COL25A1: variants seen among roughly 807,000 people sequenced by gnomAD.
COL25A1 encodes collagen alpha-1(XXV) chain.
In COL25A1, 103 loss-of-function variants were observed where a neutral mutation model predicts 128.4. That is an observed-to-expected ratio of 0.80 (90% CI 0.68 to 0.94). The LOEUF (loss-of-function observed/expected upper bound fraction) is 0.94. Ranked by LOEUF, COL25A1 falls within the 40% of genes least tolerant of loss-of-function variation. COL25A1 has a pLI of 0.00. For synonymous variants in COL25A1, 279 were observed against 277.2 expected, an observed-to-expected ratio of 1.01 and a Z score of -0.06; for missense variants, 745 against 840.0, an observed-to-expected ratio of 0.89 and a Z score of 1.40.
At chr4:108,951,641 C>A (rs1749448811) in intron 8 of COL25A1, among the ~76,000 whole-genome samples, 1 of 152,182 alleles carries the variant, frequency 6.6e-6, no homozygotes, top group Non-Finnish European at 1.5e-5. Context: ...ACACCTTGGC[C>A]TCCTAAAGCG....
chr4:108,852,621 C>T (rs1269925159), intron 25 of COL25A1, among the ~76,000 whole-genome samples: 3 of 152,206 alleles, frequency 2.0e-5, no homozygotes, highest in Middle Eastern at 3.4e-3. Flanking sequence ...CCTTACCCCT[C>T]CACCCCAAAG....
chr4:108,810,325 A>G lies in COL25A1; in HGVS notation c.*3602T>C, dbSNP rs990705335. 1 of 151,994 alleles carries G rather than the reference A, an allele frequency of 6.6e-6. No individual in the cohort carries two copies. Among genetic ancestry groups the G allele is most frequent in the African/African-American group, 2.4e-5 (1 of 41,450 alleles). The allele number at this position is 151,994 out of a possible 1,614,324, so 9.4% of individuals were successfully genotyped here. On this transcript the variant is annotated 3_prime_UTR_variant, in exon 38 of 38. Coordinates refer to ENST00000399132, the MANE Select transcript of COL25A1 (RefSeq NM_198721.4). The stretch of plus-strand genomic sequence containing the variant: ...AACTAGCACATATGTCTATATAGAT[A>G]GATAGTTAGACAAAGGACATGTAGT...
At chr4:109,037,282 T>C (rs1579163969) in intron 5 of COL25A1, among the ~76,000 whole-genome samples, 1 of 152,232 alleles carries the variant, frequency 6.6e-6, no homozygotes, top group Admixed American at 6.5e-5. Flanking sequence ...CATTTATTAA[T>C]GGAAGTGGTG....
chr4:109,149,930 T>C (rs1771307131), intron 3 of COL25A1, among the ~76,000 whole-genome samples: 1 of 151,784 alleles, frequency 6.6e-6, no homozygotes, highest in Admixed American at 6.6e-5. Flanking sequence ...GGAAATAATT[T>C]TATGTGTATG....
chr4:109,064,031 A>C (rs1020671784), intron 3 of COL25A1, among the ~76,000 whole-genome samples: 25 of 152,194 alleles, frequency 1.6e-4, no homozygotes, highest in Non-Finnish European at 2.8e-4. Context: ...TGACAAACAG[A>C]GTCAAAGTTG....
chr4:108,960,438 G>A (rs1378176229), intron 8 of COL25A1, among the ~76,000 whole-genome samples: 1 of 151,986 alleles, frequency 6.6e-6, no homozygotes, highest in Non-Finnish European at 1.5e-5. Flanking sequence ...GTAATTTTTG[G>A]TGTTCAAAAC....
In COL25A1 at chr4:108,913,261, C is replaced by CTT. The variant is rs201929872; in HGVS notation, c.780+4909_780+4910dup. Among the ~76,000 whole-genome samples the CTT allele has an allele frequency of 2.1e-3, 190 of 92,408 alleles. 4 individuals are homozygous for CTT. Among genetic ancestry groups the CTT allele is most frequent in the East Asian group, 8.7e-3 (13 of 1,502 alleles). 60.6% of individuals were successfully genotyped at this position (92,408 alleles called of 152,430 possible). A position where few individuals can be genotyped will look rare whatever the true frequency, so the allele number is the denominator to read the frequency against. On this transcript the variant is annotated intron_variant, in intron 13 of 37. Transcript: ENST00000399132. Reference sequence around the variant, plus strand: ...TTTGTGTGGTCTCTGTCTCTAGCTCCTTTTTTTTTTTTTTTTTTTTTTAAG... The same window carrying CTT: ...TTTGTGTGGTCTCTGTCTCTAGCTCCTTTTTTTTTTTTTTTTTTTTTTTTAAG...
intron 14 of COL25A1, among the ~76,000 whole-genome samples, chr4:108,900,262 G>C (rs1290316951): frequency 6.6e-6 from 1 of 152,156 alleles, no homozygotes; most frequent in Admixed American, 6.6e-5. Context: ...GAGAAAGAGA[G>C]AGAAGAAGAC....
At chr4:108,844,646 G>A (rs913985179) in intron 29 of COL25A1, 77 bp from the exon 30 acceptor site, 1 of 1,552,072 alleles carries the variant, frequency 6.4e-7, no homozygotes, top group Non-Finnish European at 8.7e-7. Context: ...TTGTGCTGGG[G>A]TTCTGCTAAG....
At chr4:108,914,334 C>T (rs1368430797) in intron 13 of COL25A1, among the ~76,000 whole-genome samples, 1 of 152,168 alleles carries the variant, frequency 6.6e-6, no homozygotes, top group Non-Finnish European at 1.5e-5. Context: ...AGGGATCCTT[C>T]AAAGGCTACA....
chr4:108,945,982 A>G (rs1201263670), intron 8 of COL25A1, among the ~76,000 whole-genome samples: 1 of 152,126 alleles, frequency 6.6e-6, no homozygotes, highest in African/African-American at 2.4e-5. Context: ...ATTTGTACAT[A>G]TTTTCACACC....
intron 3 of COL25A1, among the ~76,000 whole-genome samples, chr4:109,252,711 G>A (rs1313314792): frequency 2.6e-5 from 4 of 152,056 alleles, no homozygotes; most frequent in African/African-American, 7.2e-5. Flanking sequence ...GTACATAATC[G>A]CATGTCTGGT....
rs1387224637 is a variant in COL25A1 at position 108,884,158 on chromosome 4, A to G, written c.1020+20T>C. The stretch of plus-strand genomic sequence containing the variant: ...ATAATTACAGTTCTGTGAAGCCGAG[A>G]CTGTCCGTGCAGTATTTACCTTTAT... On this transcript the variant is annotated intron_variant, in intron 19 of 37. Transcript: ENST00000399132. 1.2e-6 allele frequency: 2 copies of G among 1,612,698 alleles called. No individual in the cohort carries two copies. The highest frequency in any genetic ancestry group is 1.7e-6 in the Non-Finnish European group (2 of 1,179,134).
chr4:109,144,324 G>T (rs1343679305), intron 3 of COL25A1, among the ~76,000 whole-genome samples: 4 of 152,202 alleles, frequency 2.6e-5, no homozygotes, highest in Non-Finnish European at 4.4e-5. Context: ...TGTATGATTT[G>T]TCTGTTGACC....
chr4:108,817,016 G>C (rs1439130182), intron 37 of COL25A1, among the ~76,000 whole-genome samples: 1 of 152,094 alleles, frequency 6.6e-6, no homozygotes, highest in Non-Finnish European at 1.5e-5. Context: ...GACTAATATT[G>C]ACAGGGTTCT....
intron 30 of COL25A1, among the ~76,000 whole-genome samples, chr4:108,843,885 A>G (rs981271339): frequency 1.9e-5 from 2 of 106,198 alleles, no homozygotes; most frequent in African/African-American, 6.5e-5. Flanking sequence ...AATGGCTATT[A>G]TTACTATTAT....
intron 6 of COL25A1, among the ~76,000 whole-genome samples, chr4:109,000,170 A>G (rs1282948656): frequency 1.3e-5 from 2 of 152,176 alleles, no homozygotes; most frequent in Non-Finnish European, 2.9e-5. Flanking sequence ...GTTCATGAAT[A>G]ATTATAATAC....
chr4:108,886,488 G>GGTTTTTTTTTTT (rs1553960509), intron 18 of COL25A1, among the ~76,000 whole-genome samples: 1 of 49,426 alleles, frequency 2.0e-5, no homozygotes, highest in African/African-American at 6.5e-5. Context: ...GTGTGTGTGT[G>GGTTTTTTTTTTT]TGTGTTTAGC....
In COL25A1 at chr4:108,981,536, TAAAAAAGTTAA is replaced by T. The variant is rs1261335399; in HGVS notation, c.439-6988_439-6978del. On this transcript the variant is annotated intron_variant, in intron 6 of 37. Transcript: ENST00000399132. The stretch of plus-strand genomic sequence containing the variant: ...TTTAATATCTTTTTAAATGCTTCAG[TAAAAAAGTTAA>T]AAAAAAGTGAAAGTAGAATTTGAGA... Among the ~76,000 whole-genome samples the T allele has an allele frequency of 2.6e-5, 4 of 152,218 alleles. No homozygotes were observed. The East Asian group carries it at 7.7e-4, about 29-fold the overall frequency.
Sources: allele counts gnomAD v4.1 joint callset (sites outside exome capture counted in the v4.1 genomes callset), GRCh38; gene constraint gnomAD v4.1.1; transcripts MANE v1.5; gene names NCBI Gene and HGNC (gene_info 2026-07-23, HGNC 2026-07-21).